Variants in SGCD observed in about 807,000 individuals in gnomAD.
SGCD encodes the protein delta-sarcoglycan.
A neutral mutation model predicts 36.6 loss-of-function variants in SGCD; 18 were observed. That is an observed-to-expected ratio of 0.49 (90% CI 0.34 to 0.73). The LOEUF (loss-of-function observed/expected upper bound fraction) is 0.73. SGCD is among the 30% of genes least tolerant of loss of function. SGCD has a pLI of 0.01. For missense variants in SGCD, 387 were observed against 346.7 expected (o/e 1.12, Z -0.92); for synonymous variants, 133 against 130.6 (o/e 1.02, Z -0.12).
chr5:156,494,600 A>G (rs1290989990), intron 3 of SGCD, among the ~76,000 whole-genome samples: 1 of 152,182 alleles, frequency 6.6e-6, no homozygotes, highest in Non-Finnish European at 1.5e-5. Context: ...AAGTCTTAGA[A>G]TATAAAATGT....
At chr5:156,144,570 C>G (rs1316367967) in intron 3 of SGCD, among the ~76,000 whole-genome samples, 1 of 152,162 alleles carries the variant, frequency 6.6e-6, no homozygotes, top group Non-Finnish European at 1.5e-5. Context: ...CCTTCGCCCA[C>G]TTGTTGATGG....
chr5:155,805,253 T>C, the SGCD span, among the ~76,000 whole-genome samples: 2 of 152,152 alleles, frequency 1.3e-5, no homozygotes, highest in South Asian at 4.1e-4. Flanking sequence ...AACACTTCTA[T>C]AGATATCTGT....
chr5:155,937,239 C>G (rs767851124), intron 1 of SGCD, among the ~76,000 whole-genome samples: 5 of 152,156 alleles, frequency 3.3e-5, no homozygotes, highest in Admixed American at 6.5e-5. Flanking sequence ...CCCACTGGCT[C>G]CATAGAGCAT....
intron 1 of SGCD, among the ~76,000 whole-genome samples, chr5:155,927,978 A>G (rs558750900): frequency 6.6e-6 from 1 of 152,348 alleles, no homozygotes; most frequent in African/African-American, 2.4e-5. Context: ...ATTGCATGCT[A>G]ACTGAAAGAT....
intron 1 of SGCD, among the ~76,000 whole-genome samples, chr5:156,041,622 T>A (rs1292977662): frequency 6.6e-6 from 1 of 152,186 alleles, no homozygotes; most frequent in African/African-American, 2.4e-5. Context: ...CTAGACTTGG[T>A]GTGTCTTTTC....
At chr5:156,701,558 G>C (rs1442652788) in intron 7 of SGCD, among the ~76,000 whole-genome samples, 3 of 152,090 alleles carry the variant, frequency 2.0e-5, no homozygotes, top group Middle Eastern at 3.2e-3. Context: ...TTGGGGATGG[G>C]GGACACTGGT....
At chr5:156,115,786 G>T (rs943762967) in intron 1 of SGCD, among the ~76,000 whole-genome samples, 1 of 152,054 alleles carries the variant, frequency 6.6e-6, no homozygotes. Context: ...CCTACAGACA[G>T]TCTCACAGTC....
the SGCD span, among the ~76,000 whole-genome samples, chr5:155,780,893 C>T: frequency 1.3e-5 from 2 of 152,156 alleles, no homozygotes; most frequent in Non-Finnish European, 2.9e-5. Flanking sequence ...ATCAAAATGT[C>T]TCTCACACTT....
intron 3 of SGCD, among the ~76,000 whole-genome samples, chr5:156,450,081 C>A (rs1753941265): frequency 6.6e-6 from 1 of 152,074 alleles, no homozygotes; most frequent in South Asian, 2.1e-4. Context: ...TGTAACCCTT[C>A]AAACCCTGGC....
At chr5:156,317,385 G>A (rs1248821122) in intron 3 of SGCD, among the ~76,000 whole-genome samples, 5 of 152,078 alleles carry the variant, frequency 3.3e-5, no homozygotes, top group Non-Finnish European at 7.4e-5. Context: ...TTAATAACAG[G>A]ATCTTCTGAT....
chr5:155,781,307 T>G, the SGCD span, among the ~76,000 whole-genome samples: 8 of 152,144 alleles, frequency 5.3e-5, no homozygotes, highest in Non-Finnish European at 1.2e-4. Flanking sequence ...GGGATTCCCA[T>G]CACACCTCAC....
At chr5:156,335,155 G>A (rs1768279512) in intron 2 of SGCD, among the ~76,000 whole-genome samples, 1 of 152,134 alleles carries the variant, frequency 6.6e-6, no homozygotes, top group Non-Finnish European at 1.5e-5. Flanking sequence ...ATGCATGTGT[G>A]TTTCACAAAT....
At chr5:156,543,483 A>T (rs2113159891) in intron 4 of SGCD, among the ~76,000 whole-genome samples, 1 of 152,210 alleles carries the variant, frequency 6.6e-6, no homozygotes, top group Non-Finnish European at 1.5e-5. Flanking sequence ...GCTGTTAGGG[A>T]GGGCATGTGC....
rs970009428 is a variant in SGCD, at chr5:156,521,602, G to A, written c.294+12900G>A. Among the ~76,000 whole-genome samples the A allele has an allele frequency of 1.1e-4, 17 of 152,142 alleles. 1 individual carries two copies. Among genetic ancestry groups the A allele is most frequent in the African/African-American group, 4.1e-4 (17 of 41,432 alleles). On this transcript the variant is annotated intron_variant, in intron 4 of 8. Coordinates refer to ENST00000337851, the MANE Select transcript of SGCD (RefSeq NM_000337.6). ...CCAACAAATGTATAAAAAAAGCTCA[G>A]TATCACTGATCATTAGAGAAATCCA... is the stretch of plus-strand genomic sequence containing the variant.
intron 3 of SGCD, among the ~76,000 whole-genome samples, chr5:156,176,112 A>C (rs1763462994): frequency 7.0e-6 from 1 of 142,248 alleles, no homozygotes; most frequent in Admixed American, 6.9e-5. Context: ...AACTCAGCTA[A>C]TATACTTTGT....
chr5:156,287,414 G>A (rs1228299303), intron 3 of SGCD, among the ~76,000 whole-genome samples: 2 of 152,156 alleles, frequency 1.3e-5, no homozygotes, highest in African/African-American at 4.8e-5. Context: ...GCCTAGAAAG[G>A]CGCATGAAAC....
intron 1 of SGCD, among the ~76,000 whole-genome samples, chr5:155,999,413 G>C (rs1398445682): frequency 6.6e-6 from 1 of 152,288 alleles, no homozygotes; most frequent in East Asian, 1.9e-4. Flanking sequence ...TTGGTAAGGT[G>C]GACTTAATAT....
intron 3 of SGCD, among the ~76,000 whole-genome samples, chr5:156,282,841 G>A (rs923142760): frequency 1.3e-5 from 2 of 152,100 alleles, no homozygotes; most frequent in Non-Finnish European, 2.9e-5. Flanking sequence ...TGTCTGTGAT[G>A]TTCCATTGAA....
At chr5:156,560,881 G>A (rs539822831) in intron 4 of SGCD, among the ~76,000 whole-genome samples, 1 of 152,270 alleles carries the variant, frequency 6.6e-6, no homozygotes, top group Admixed American at 6.5e-5. Flanking sequence ...AAAGACAGAT[G>A]TGGGATGATT....
Sources: gnomAD v4.1 joint callset for allele counts (sites outside exome capture counted in the v4.1 genomes callset) on GRCh38, gnomAD v4.1.1 for gene constraint, MANE v1.5 for transcripts, NCBI Gene and HGNC (gene_info 2026-07-23, HGNC 2026-07-21) for gene names.